GPC5: variants seen among roughly 807,000 people sequenced by gnomAD.
The protein encoded by GPC5 is glypican-5.
Under a neutral mutation model 53.9 loss-of-function variants are expected in GPC5, and 47 were observed. That is an observed-to-expected ratio of 0.87 (90% CI 0.69 to 1.11). The LOEUF (loss-of-function observed/expected upper bound fraction) is 1.11. GPC5 is among the 50% of genes most tolerant of loss of function. The pLI is 0.00. For synonymous variants in GPC5, 286 were observed against 263.3 expected (o/e 1.09, Z -0.84); for missense variants, 748 against 713.1 (o/e 1.05, Z -0.56).
At chr13:92,832,355 A>G (rs114908869) in intron 7 of GPC5, among the ~76,000 whole-genome samples, 1,968 of 152,332 alleles carry the variant, frequency 0.013, 55 homozygotes, top group African/African-American at 0.045. Flanking sequence ...TGGAAGAACT[A>G]AAAACTAGAA....
chr13:91,448,660 A>C, intron 1 of GPC5, 101 bp from the exon 2 acceptor site: 1 of 1,169,454 alleles, frequency 8.6e-7, no homozygotes, highest in Non-Finnish European at 1.2e-6. Flanking sequence ...CATTCCTCAC[A>C]TAGTCCTTTG....
intron 2 of GPC5, among the ~76,000 whole-genome samples, chr13:91,460,241 C>A (rs554036120): frequency 6.6e-6 from 1 of 151,536 alleles, no homozygotes; most frequent in African/African-American, 2.4e-5. Flanking sequence ...GAATCAAATT[C>A]TTTTAACCAA....
chr13:91,457,637 T>C (rs1013339600), intron 2 of GPC5, among the ~76,000 whole-genome samples: 5 of 152,154 alleles, frequency 3.3e-5, no homozygotes, highest in African/African-American at 9.7e-5. Flanking sequence ...AAATAGTTTT[T>C]GTGGGAAATA....
intron 7 of GPC5, among the ~76,000 whole-genome samples, chr13:92,783,623 T>G (rs1483608350): frequency 6.6e-6 from 1 of 152,196 alleles, no homozygotes; most frequent in Non-Finnish European, 1.5e-5. Flanking sequence ...CCAGAATCCA[T>G]TAGTTTCCCT....
At chr13:92,770,153 C>T (rs1352467617) in intron 7 of GPC5, among the ~76,000 whole-genome samples, 2 of 152,174 alleles carry the variant, frequency 1.3e-5, no homozygotes, top group East Asian at 1.9e-4. Context: ...TTGGCCCATG[C>T]CTGTAATCCC....
chr13:92,210,417 C>G (rs549769589), intron 7 of GPC5, among the ~76,000 whole-genome samples: 1 of 151,966 alleles, frequency 6.6e-6, no homozygotes, highest in Non-Finnish European at 1.5e-5. Flanking sequence ...GGGTTCAGTT[C>G]TCATGTTTTT....
chr13:92,281,869 T>C (rs1330356788), intron 7 of GPC5, among the ~76,000 whole-genome samples: 3 of 152,206 alleles, frequency 2.0e-5, no homozygotes, highest in African/African-American at 7.2e-5. Flanking sequence ...TGCAGCTCCT[T>C]GCCAGCAATG....
chr13:91,741,157 G>A (rs2036925606), intron 4 of GPC5, among the ~76,000 whole-genome samples: 1 of 152,054 alleles, frequency 6.6e-6, no homozygotes, highest in South Asian at 2.1e-4. Context: ...ATGTCAAGGT[G>A]GGGAATGCAG....
At position 92,294,793 on chromosome 13, in the gene GPC5, T is replaced by C. The variant is rs61966616; in HGVS notation, c.1561+149804T>C. ...TTCCTTGAGGTGTGACCTTAGATTA[T>C]CTGTTTGTGCTGTTTCTTTCTTTTT... On this transcript the variant is annotated intron_variant, in intron 7 of 7. Coordinates refer to ENST00000377067, the MANE Select transcript of GPC5 (RefSeq NM_004466.6). Among the ~76,000 whole-genome samples the C allele has an allele frequency of 2.9e-3, 432 of 151,428 alleles. 3 individuals carry two copies. Among genetic ancestry groups the C allele is most frequent in the Non-Finnish European group, 3.9e-3 (266 of 67,802 alleles).
At chr13:92,284,663 C>A (rs1011029646) in intron 7 of GPC5, among the ~76,000 whole-genome samples, 2 of 152,156 alleles carry the variant, frequency 1.3e-5, no homozygotes, top group Non-Finnish European at 2.9e-5. Context: ...TCAATAGATG[C>A]AGAAAACGCC....
chr13:92,585,406 G>A (rs904046313), intron 7 of GPC5, among the ~76,000 whole-genome samples: 9 of 152,204 alleles, frequency 5.9e-5, no homozygotes, highest in African/African-American at 2.2e-4. Flanking sequence ...GGGGCCTGTA[G>A]CCCCTTTGTT....
chr13:92,026,198 A>G (rs2040799482), intron 6 of GPC5, among the ~76,000 whole-genome samples: 1 of 152,114 alleles, frequency 6.6e-6, no homozygotes, highest in African/African-American at 2.4e-5. Flanking sequence ...TATTGTGGGA[A>G]CAAAAATTTT....
chr13:91,958,065 C>A (rs1020148124), intron 6 of GPC5, among the ~76,000 whole-genome samples: 1 of 151,468 alleles, frequency 6.6e-6, no homozygotes, highest in Non-Finnish European at 1.5e-5. Context: ...GAACTGCCCA[C>A]TTAAATGATA....
At chr13:92,043,117 A>C (rs1594740667) in intron 6 of GPC5, among the ~76,000 whole-genome samples, 1 of 152,276 alleles carries the variant, frequency 6.6e-6, no homozygotes, top group South Asian at 2.1e-4. Flanking sequence ...AGAATATCGA[A>C]GACGTGTGAC....
intron 5 of GPC5, among the ~76,000 whole-genome samples, chr13:91,841,481 T>C (rs998033051): frequency 3.1e-4 from 47 of 151,794 alleles, no homozygotes; most frequent in African/African-American, 1.1e-3. Flanking sequence ...AATTCATCTG[T>C]TTTTCAAAGT....
At chr13:91,535,058 C>T (rs1202737247) in intron 2 of GPC5, among the ~76,000 whole-genome samples, 2 of 152,194 alleles carry the variant, frequency 1.3e-5, no homozygotes, top group African/African-American at 4.8e-5. Context: ...CACTTCTTCT[C>T]AGGCTTCATT....
At chr13:92,198,834 G>C (rs2042274924) in intron 7 of GPC5, among the ~76,000 whole-genome samples, 1 of 152,118 alleles carries the variant, frequency 6.6e-6, no homozygotes, top group African/African-American at 2.4e-5. Flanking sequence ...CCGAGAAATG[G>C]TCATATACTA....
In GPC5 at chr13:92,323,759, T is replaced by C. The variant is rs139591573; in HGVS notation, c.1561+178770T>C. ...TAAAATCAATAAATCAATAAATGAG[T>C]CATTTGTTTTAATATTCATATTTCT... On this transcript the variant is annotated intron_variant, in intron 7 of 7. Coordinates refer to ENST00000377067, the MANE Select transcript of GPC5 (RefSeq NM_004466.6). 9.9e-5 allele frequency among the ~76,000 whole-genome samples: 15 copies of C among 151,964 alleles called. No homozygotes were observed. The East Asian group carries it at 2.3e-3, about 23-fold the overall frequency.
intron 6 of GPC5, among the ~76,000 whole-genome samples, chr13:92,142,678 G>A (rs2138980869): frequency 6.6e-6 from 1 of 152,214 alleles, no homozygotes; most frequent in South Asian, 2.1e-4. Context: ...GTGTTTTTGA[G>A]TTCATTTACC....
Sources: gnomAD v4.1 joint callset for allele counts (sites outside exome capture counted in the v4.1 genomes callset) on GRCh38, gnomAD v4.1.1 for gene constraint, MANE v1.5 for transcripts, NCBI Gene and HGNC (gene_info 2026-07-23, HGNC 2026-07-21) for gene names.